The following WWC2 variants were observed in gnomAD, a reference collection of about 807,000 sequenced individuals.
WWC2 encodes protein WWC2.
Under a neutral mutation model 138.5 loss-of-function variants are expected in WWC2, and 101 were observed. That is an observed-to-expected ratio of 0.73 (90% CI 0.62 to 0.86). The LOEUF (loss-of-function observed/expected upper bound fraction) is 0.86, where lower values mean the gene tolerates loss of function less well. Ranked by LOEUF, WWC2 falls within the 40% of genes least tolerant of loss-of-function variation. The pLI is 0.00. For missense variants in WWC2, 1,420 were observed against 1,419.4 expected (o/e 1.00, Z -0.01); for synonymous variants, 558 against 538.4 (o/e 1.04, Z -0.50).
At chr4:183,106,601 G>T (rs532840227) in intron 1 of WWC2, among the ~76,000 whole-genome samples, 1 of 152,188 alleles carries the variant, frequency 6.6e-6, no homozygotes, top group South Asian at 2.1e-4. Flanking sequence ...CGTCTCTACA[G>T]CTTTTTGCAA....
At chr4:183,133,344 G>A (rs892270267) in intron 1 of WWC2, among the ~76,000 whole-genome samples, 2 of 151,492 alleles carry the variant, frequency 1.3e-5, no homozygotes, top group African/African-American at 4.8e-5. Context: ...AATGACTGAT[G>A]ATAATTATAG....
chr4:183,234,141 A>G (rs1736342199), intron 4 of WWC2, among the ~76,000 whole-genome samples: 1 of 152,162 alleles, frequency 6.6e-6, no homozygotes, highest in African/African-American at 2.4e-5. Context: ...TGACACTAGG[A>G]TTATAAGAAG....
In WWC2 at chr4:183,282,729, C is replaced by T. The variant is rs1158037391; in HGVS notation, c.2706C>T (p.Ala902=). The T allele has an allele frequency of 6.4e-7, 1 of 1,573,422 alleles. No individual in the cohort carries two copies. The highest frequency in any genetic ancestry group is 1.3e-5 in the African/African-American group (1 of 74,168). Residue 902 remains alanine, a synonymous_variant, in exon 18 of 23, where the codon GCC becomes GCT. Coordinates refer to ENST00000403733, the MANE Select transcript of WWC2 (RefSeq NM_024949.6). The part of the protein sequence containing the change: ...DGDWLTMLRE[A]SDEIVAEKEA... ...ATAGGCTAACAATGCTAAGAGAGGC[C>T]TCTGATGAAATTGTGGCTGAAAAAG...
chr4:183,248,756 A>G lies in WWC2; in HGVS notation c.775A>G (p.Ile259Val). 2 of 1,604,364 alleles carry G rather than the reference A, an allele frequency of 1.2e-6. No homozygotes were observed. The highest frequency in any genetic ancestry group is 2.2e-5 in the South Asian group (2 of 89,018). ...LQERFHLDQN[I>V]GRSEPDLRCS... is the part of the protein sequence containing the mutation. ...GGAGCGGTTTCATTTGGATCAGAACATTGGCAGATCTGAGCCAGATTTGAG... is the reference window on the plus strand; with the variant it reads ...GGAGCGGTTTCATTTGGATCAGAACGTTGGCAGATCTGAGCCAGATTTGAG... Residue 259 changes from isoleucine (I) to valine (V), a missense_variant, in exon 7 of 23, where the codon ATT becomes GTT. Coordinates refer to ENST00000403733, the MANE Select transcript of WWC2 (RefSeq NM_024949.6).
chr4:183,310,482 C>T (rs914864028), intron 21 of WWC2, among the ~76,000 whole-genome samples: 4 of 151,924 alleles, frequency 2.6e-5, no homozygotes, highest in Non-Finnish European at 5.9e-5. Flanking sequence ...TTGTTTTTCT[C>T]TGCCACTGGT....
At chr4:183,223,175 G>T (rs1735978759) in intron 4 of WWC2, among the ~76,000 whole-genome samples, 1 of 152,198 alleles carries the variant, frequency 6.6e-6, no homozygotes. Context: ...TGCTGTACAG[G>T]TTTGTAGCCT....
chr4:183,113,219 C>T (rs1732292880), intron 1 of WWC2, among the ~76,000 whole-genome samples: 1 of 151,986 alleles, frequency 6.6e-6, no homozygotes, highest in Non-Finnish European at 1.5e-5. Context: ...TTGCAGTGAG[C>T]TGAGATTGCA....
chr4:183,309,882 T>C (rs1739151883), intron 21 of WWC2, among the ~76,000 whole-genome samples: 1 of 152,196 alleles, frequency 6.6e-6, no homozygotes, highest in Non-Finnish European at 1.5e-5. Context: ...TCTTCAGCAC[T>C]AAAGAGAAAT....
chr4:183,258,596 A>G (rs1414508552), intron 9 of WWC2, among the ~76,000 whole-genome samples: 1 of 152,152 alleles, frequency 6.6e-6, no homozygotes, highest in Non-Finnish European at 1.5e-5. Flanking sequence ...AACAAGTCAG[A>G]TTTGTTTTTC....
chr4:183,294,176 C>T (rs1194429974), intron 21 of WWC2, among the ~76,000 whole-genome samples: 1 of 152,044 alleles, frequency 6.6e-6, no homozygotes, highest in Non-Finnish European at 1.5e-5. Context: ...CAGGGCAGGC[C>T]ATAGTTTGCC....
chr4:183,102,378 A>G (rs897018178), intron 1 of WWC2, among the ~76,000 whole-genome samples: 1 of 152,152 alleles, frequency 6.6e-6, no homozygotes, highest in Non-Finnish European at 1.5e-5. Flanking sequence ...CTCAGTGTGT[A>G]TTGTGTGCTA....
intron 21 of WWC2, among the ~76,000 whole-genome samples, chr4:183,294,672 C>T (rs1390368574): frequency 1.3e-5 from 2 of 152,206 alleles, no homozygotes; most frequent in Non-Finnish European, 2.9e-5. Context: ...GAGACTTTGG[C>T]AGATCCGAAC....
chr4:183,111,699 T>G (rs976232907), intron 1 of WWC2, among the ~76,000 whole-genome samples: 1 of 133,922 alleles, frequency 7.5e-6, no homozygotes, highest in Non-Finnish European at 1.7e-5. Flanking sequence ...TTCTGTTTTG[T>G]TTTTTTTTTT....
Position 183,250,536 on chromosome 4 carries a change from C to G in WWC2, c.953+543C>G, listed in dbSNP as rs73004996. Among the ~76,000 whole-genome samples, 545 of 152,214 alleles carry G rather than the reference C, an allele frequency of 3.6e-3. 2 individuals carry two copies. Among genetic ancestry groups the G allele is most frequent in the African/African-American group, 0.012 (515 of 41,522 alleles). ...TTACCTCATAAACTCTTCTTAATCCCTGTGCTATCTTTTACTTACTTTGTG... is the reference window on the plus strand; with the variant it reads ...TTACCTCATAAACTCTTCTTAATCCGTGTGCTATCTTTTACTTACTTTGTG... On this transcript the variant is annotated intron_variant, in intron 8 of 22. Transcript: ENST00000403733.
intron 1 of WWC2, among the ~76,000 whole-genome samples, chr4:183,151,536 T>G (rs1046512749): frequency 6.6e-6 from 1 of 152,234 alleles, no homozygotes; most frequent in African/African-American, 2.4e-5. Flanking sequence ...AGAAGCTCTT[T>G]AGTTTAGTTA....
chr4:183,153,347 G>A (rs1286637571), intron 1 of WWC2, among the ~76,000 whole-genome samples: 1 of 152,170 alleles, frequency 6.6e-6, no homozygotes, highest in African/African-American at 2.4e-5. Flanking sequence ...TCAAAGCCTA[G>A]ACTTAGTCCT....
chr4:183,142,318 G>A (rs1259672292), intron 1 of WWC2, among the ~76,000 whole-genome samples: 1 of 152,162 alleles, frequency 6.6e-6, no homozygotes, highest in Non-Finnish European at 1.5e-5. Context: ...ACATTTTCCT[G>A]TCTGTCCCAA....
intron 21 of WWC2, among the ~76,000 whole-genome samples, chr4:183,297,700 G>A (rs1406794368): frequency 2.6e-4 from 40 of 152,160 alleles, no homozygotes; most frequent in African/African-American, 7.2e-5. Flanking sequence ...GTGAGCCACC[G>A]CACCTGGCCT....
rs1178984145 is a variant in WWC2 at position 183,319,526 on chromosome 4, C to T, written c.*3797C>T. On this transcript the variant is annotated 3_prime_UTR_variant, in exon 23 of 23. Transcript: ENST00000403733. ...CAAATCCAGTGTTGAGCAAGCGTCT[C>T]CTGAACAGCAGACGCTTGTCCTTTC... The T allele has an allele frequency of 1.3e-6, 2 of 1,571,570 alleles. No individual in the cohort carries two copies. Among genetic ancestry groups the T allele is most frequent in the Admixed American group, 1.8e-5 (1 of 54,384 alleles).
Sources: gnomAD v4.1 joint callset for allele counts (sites outside exome capture counted in the v4.1 genomes callset) on GRCh38, gnomAD v4.1.1 for gene constraint, MANE v1.5 for transcripts, NCBI Gene and HGNC (gene_info 2026-07-23, HGNC 2026-07-21) for gene names.